The following NOS1AP variants were observed in gnomAD, a reference collection of about 807,000 sequenced individuals.
NOS1AP encodes the protein nitric oxide synthase 1 adaptor protein, also known as carboxyl-terminal PDZ ligand of neuronal nitric oxide synthase protein.
In NOS1AP, 21 loss-of-function variants were observed where a neutral mutation model predicts 56.2. The ratio of observed to expected loss-of-function variants is 0.37; its 90% CI spans 0.26 to 0.54. The LOEUF is 0.54. Among genes scored for constraint, NOS1AP ranks in the 20% least tolerant of loss-of-function variants. The pLI is 0.84. For missense variants in NOS1AP, 522 were observed against 657.8 expected (o/e 0.79, Z 2.26); for synonymous variants, 270 against 274.6 (o/e 0.98, Z 0.17).
intron 2 of NOS1AP, among the ~76,000 whole-genome samples, chr1:162,217,561 G>A (rs761045131): frequency 6.6e-6 from 1 of 152,070 alleles, no homozygotes; most frequent in Non-Finnish European, 1.5e-5. Context: ...CACTGTGCCT[G>A]GCCTTGTTGT....
chr1:162,210,045 T>G (rs894350431), intron 2 of NOS1AP, among the ~76,000 whole-genome samples: 49 of 152,200 alleles, frequency 3.2e-4, no homozygotes, highest in Non-Finnish European at 1.0e-4. Flanking sequence ...ATATTTTTGT[T>G]AATTTTTCCT....
chr1:162,118,408 A>G (rs778382284), intron 1 of NOS1AP, among the ~76,000 whole-genome samples: 42 of 152,362 alleles, frequency 2.8e-4, no homozygotes, highest in Middle Eastern at 3.4e-3. Flanking sequence ...CTCCAGCTAC[A>G]TCCACGTTGC....
intron 2 of NOS1AP, among the ~76,000 whole-genome samples, chr1:162,161,814 T>C (rs1227336787): frequency 6.6e-6 from 1 of 152,220 alleles, no homozygotes; most frequent in African/African-American, 2.4e-5. Context: ...TTCTAATTAC[T>C]GTGCACTGGA....
chr1:162,300,659 G>T lies in NOS1AP; in HGVS notation c.297G>T (p.Trp99Cys). The T allele has an allele frequency of 1.9e-6, 3 of 1,614,078 alleles. No homozygotes were observed. Among genetic ancestry groups the T allele is most frequent in the Non-Finnish European group, 1.7e-6 (2 of 1,179,980 alleles). ...KKLLLLQKKE[W>C]TWDESKMLVM... ...TTCTTTTATTGCAGAAAAAGGAATG[G>T]ACGTGGGATGAGAGCAAGATGCTGG... Residue 99 changes from tryptophan to cysteine, a missense_variant, in exon 4 of 10, where the codon TGG becomes TGT. By Grantham distance (215) the Trp-to-Cys change is radical. Coordinates refer to ENST00000361897, the MANE Select transcript of NOS1AP (RefSeq NM_014697.3).
At chr1:162,154,287 C>G in intron 1 of NOS1AP, 118 bp from the exon 2 acceptor site, 1 of 847,846 alleles carries the variant, frequency 1.2e-6, no homozygotes. Context: ...CCTGCTGGCT[C>G]TTAATTTCTT....
At chr1:162,192,961 A>G (rs1651691030) in intron 2 of NOS1AP, among the ~76,000 whole-genome samples, 1 of 152,104 alleles carries the variant, frequency 6.6e-6, no homozygotes. Flanking sequence ...CTAACAGGCC[A>G]CTTTGACCCC....
chr1:162,117,631 G>C (rs1648020610), intron 1 of NOS1AP, among the ~76,000 whole-genome samples: 1 of 152,198 alleles, frequency 6.6e-6, no homozygotes, highest in African/African-American at 2.4e-5. Context: ...GCACATTGGT[G>C]AACAAATGTA....
intron 4 of NOS1AP, among the ~76,000 whole-genome samples, chr1:162,302,291 A>G (rs1028860202): frequency 2.0e-4 from 30 of 152,214 alleles, no homozygotes; most frequent in Admixed American, 1.3e-4. Context: ...GCACTTAATA[A>G]ATGTGCAATG....
chr1:162,222,768 C>G lies in NOS1AP; in HGVS notation c.178-64576C>G, dbSNP rs576512433. On this transcript the variant is annotated intron_variant, in intron 2 of 9. Transcript: ENST00000361897. ...TTGGCCATGATGAGAGCATTTTTTG[C>G]ATAATTCTGAAAAGGCATGAAACTG... Among the ~76,000 whole-genome samples, 10 of 152,156 alleles carry G rather than the reference C, an allele frequency of 6.6e-5. 1 individual carries two copies. Among genetic ancestry groups the G allele is most frequent in the African/African-American group, 2.4e-4 (10 of 41,512 alleles).
At chr1:162,091,176 T>C (rs1692121334) in intron 1 of NOS1AP, among the ~76,000 whole-genome samples, 1 of 152,142 alleles carries the variant, frequency 6.6e-6, no homozygotes, top group African/African-American at 2.4e-5. Flanking sequence ...TTGATTCTGT[T>C]CCCAGCAGTT....
intron 3 of NOS1AP, among the ~76,000 whole-genome samples, chr1:162,293,636 C>T (rs1488916472): frequency 6.6e-6 from 1 of 152,240 alleles, no homozygotes; most frequent in Non-Finnish European, 1.5e-5. Context: ...GATGCGCTTA[C>T]CCCATTCAGT....
chr1:162,280,501 C>T (rs888453521), intron 2 of NOS1AP, among the ~76,000 whole-genome samples: 4 of 152,192 alleles, frequency 2.6e-5, no homozygotes, highest in African/African-American at 4.8e-5. Flanking sequence ...TTTTAAAAAA[C>T]GCCAACTTTT....
chr1:162,124,336 G>A (rs139672913), intron 1 of NOS1AP, among the ~76,000 whole-genome samples: 9 of 152,128 alleles, frequency 5.9e-5, no homozygotes, highest in Admixed American at 3.9e-4. Context: ...ATGCCTTTGC[G>A]TACCCAGGGC....
At chr1:162,119,110 A>G (rs1448329382) in intron 1 of NOS1AP, among the ~76,000 whole-genome samples, 1 of 152,178 alleles carries the variant, frequency 6.6e-6, no homozygotes, top group African/African-American at 2.4e-5. Context: ...AGGCCCTCAT[A>G]GAATGTTTTT....
At chr1:162,310,360 G>A (rs981103447) in intron 4 of NOS1AP, among the ~76,000 whole-genome samples, 8 of 152,188 alleles carry the variant, frequency 5.3e-5, no homozygotes, top group African/African-American at 1.7e-4. Context: ...CTTCAGCCTC[G>A]CATTGCCTAA....
chr1:162,227,521 C>T (rs1363869912), intron 2 of NOS1AP, among the ~76,000 whole-genome samples: 1 of 152,176 alleles, frequency 6.6e-6, no homozygotes, highest in Non-Finnish European at 1.5e-5. Flanking sequence ...TGGGACCATG[C>T]TCCTTGCAAG....
chr1:162,096,696 A>G (rs1692248881), intron 1 of NOS1AP, among the ~76,000 whole-genome samples: 1 of 152,232 alleles, frequency 6.6e-6, no homozygotes, highest in African/African-American at 2.4e-5. Flanking sequence ...TAATGATATA[A>G]TATGGTGCTT....
chr1:162,203,346 C>T (rs1652054993), intron 2 of NOS1AP, among the ~76,000 whole-genome samples: 1 of 152,202 alleles, frequency 6.6e-6, no homozygotes, highest in Non-Finnish European at 1.5e-5. Context: ...TGTGGATTTT[C>T]ATCCAGATTC....
chr1:162,313,191 A>G (rs866411756), intron 4 of NOS1AP, among the ~76,000 whole-genome samples: 5 of 152,356 alleles, frequency 3.3e-5, no homozygotes, highest in Middle Eastern at 3.4e-3. Context: ...CATGCCCTCA[A>G]GGATCTCACT....
Sources: allele counts gnomAD v4.1 joint callset (sites outside exome capture counted in the v4.1 genomes callset), GRCh38; gene constraint gnomAD v4.1.1; transcripts MANE v1.5; gene names NCBI Gene and HGNC (gene_info 2026-07-23, HGNC 2026-07-21).